CADM2: variants seen among roughly 807,000 people sequenced by gnomAD.
CADM2 encodes the protein immunoglobulin superfamily member 4D.
Under a neutral mutation model 49.8 loss-of-function variants are expected in CADM2, and 12 were observed. That is an observed-to-expected ratio of 0.24 (90% CI 0.15 to 0.39). The LOEUF is 0.39. Among genes scored for constraint, CADM2 ranks in the 10% least tolerant of loss-of-function variants. The pLI, the probability that CADM2 is intolerant of heterozygous loss-of-function variation, is 1.00. For synonymous variants in CADM2, 214 were observed against 175.4 expected (o/e 1.22, Z -1.74); for missense variants, 378 against 492.3 (o/e 0.77, Z 2.20).
At chr3:86,021,487 T>A (rs1417207714) in intron 8 of CADM2, among the ~76,000 whole-genome samples, 1 of 152,178 alleles carries the variant, frequency 6.6e-6, no homozygotes, top group Admixed American at 6.5e-5. Context: ...TTTAACAGAT[T>A]ATCTCATCAT....
At chr3:86,042,998 AT>A (rs1365739603) in intron 8 of CADM2, among the ~76,000 whole-genome samples, 1 of 152,214 alleles carries the variant, frequency 6.6e-6, no homozygotes, top group African/African-American at 2.4e-5. Context: ...ACCTCAATAG[AT>A]GCAGAAAAGG....
intron 1 of CADM2, among the ~76,000 whole-genome samples, chr3:85,704,723 G>A (rs905591473): frequency 6.6e-6 from 1 of 151,334 alleles, no homozygotes. Context: ...AAAAACTAAG[G>A]TATACCTATA....
At chr3:85,011,586 T>G (rs2033995315) in intron 1 of CADM2, among the ~76,000 whole-genome samples, 6 of 152,210 alleles carry the variant, frequency 3.9e-5, no homozygotes, top group Admixed American at 3.9e-4. Context: ...TGTGTTTGTT[T>G]TCCAATGAGT....
At chr3:85,206,763 G>A (rs1022534747) in intron 1 of CADM2, among the ~76,000 whole-genome samples, 5 of 141,856 alleles carry the variant, frequency 3.5e-5, no homozygotes, top group African/African-American at 1.2e-4. Flanking sequence ...TATCTACTTG[G>A]ATAATAAACA....
chr3:85,001,385 G>A (rs910435767), intron 1 of CADM2, among the ~76,000 whole-genome samples: 8 of 151,308 alleles, frequency 5.3e-5, no homozygotes, highest in South Asian at 4.2e-4. Flanking sequence ...CTATCCATCC[G>A]TCTATCTATC....
chr3:85,651,247 C>A (rs1484236673), intron 1 of CADM2, among the ~76,000 whole-genome samples: 1 of 152,028 alleles, frequency 6.6e-6, no homozygotes, highest in East Asian at 1.9e-4. Flanking sequence ...TGGGTGTCAG[C>A]ATTAATATTT....
Position 85,726,437 on chromosome 3 carries a change from A to G in CADM2, c.62-85A>G, listed in dbSNP as rs753693937. On this transcript the variant is annotated intron_variant, in intron 1 of 9. Coordinates refer to ENST00000383699, the MANE Select transcript of CADM2 (RefSeq NM_001167675.2). Reference sequence around the variant, plus strand: ...ATGTACTCTTTAGACTTTAATAGCAATAACATCTCTGCTTTCTTACTAGAG... The same window carrying G: ...ATGTACTCTTTAGACTTTAATAGCAGTAACATCTCTGCTTTCTTACTAGAG... The G allele has an allele frequency of 5.1e-5, 73 of 1,434,330 alleles. No homozygotes were observed. In the East Asian group the frequency reaches 1.5e-3, roughly 30 times the overall value. The allele number at this position is 1,434,330 out of a possible 1,614,324, so 88.9% of individuals were successfully genotyped here.
intron 1 of CADM2, among the ~76,000 whole-genome samples, chr3:85,339,151 C>A (rs2045172373): frequency 1.3e-5 from 2 of 151,390 alleles, no homozygotes; most frequent in Admixed American, 1.3e-4. Flanking sequence ...ATAATAAACC[C>A]ATTTTAAAAA....
At chr3:85,708,459 G>A (rs547583503) in intron 1 of CADM2, among the ~76,000 whole-genome samples, 1 of 152,158 alleles carries the variant, frequency 6.6e-6, no homozygotes, top group Admixed American at 6.6e-5. Flanking sequence ...TCTTTAGTTT[G>A]TGATTGCTAC....
intron 1 of CADM2, among the ~76,000 whole-genome samples, chr3:85,521,375 T>C (rs2061023390): frequency 6.6e-6 from 1 of 152,162 alleles, no homozygotes; most frequent in Non-Finnish European, 1.5e-5. Flanking sequence ...TAACTATGTT[T>C]TTACACTCAG....
chr3:85,927,359 T>C (rs1720004896), intron 6 of CADM2, among the ~76,000 whole-genome samples: 1 of 152,154 alleles, frequency 6.6e-6, no homozygotes, highest in African/African-American at 2.4e-5. Flanking sequence ...CCTAGGAATA[T>C]GCCAAACACT....
intron 1 of CADM2, among the ~76,000 whole-genome samples, chr3:85,643,010 G>T (rs1291253237): frequency 6.6e-6 from 1 of 152,108 alleles, no homozygotes; most frequent in Non-Finnish European, 1.5e-5. Flanking sequence ...TTTGCAAGGA[G>T]ATATTGTCTT....
chr3:85,919,878 T>A (rs1273461910), intron 6 of CADM2, among the ~76,000 whole-genome samples: 1 of 152,054 alleles, frequency 6.6e-6, no homozygotes, highest in East Asian at 1.9e-4. Flanking sequence ...AAGACAATAT[T>A]CAATATAGAT....
chr3:85,202,857 C>A (rs1345183593), intron 1 of CADM2, among the ~76,000 whole-genome samples: 2 of 152,182 alleles, frequency 1.3e-5, no homozygotes, highest in Non-Finnish European at 2.9e-5. Context: ...TTAGCTAAAT[C>A]TTCTGTATAA....
chr3:85,515,405 T>TTTTG (rs199690179), intron 1 of CADM2, among the ~76,000 whole-genome samples: 2 of 133,208 alleles, frequency 1.5e-5, no homozygotes, highest in Non-Finnish European at 1.6e-5. Context: ...TTCTCTTTTC[T>TTTTG]TTTGTTTGTT....
Position 85,667,373 on chromosome 3 carries a change from A to C in CADM2, c.62-59149A>C, listed in dbSNP as rs538349999. On this transcript the variant is annotated intron_variant, in intron 1 of 9. Transcript: ENST00000383699. The stretch of plus-strand genomic sequence containing the variant: ...GAAAATTATTACTAAGATATTTTAG[A>C]TTCTTTTTCCAGTATTAAGACTTAA... 8.5e-5 allele frequency among the ~76,000 whole-genome samples: 13 copies of C among 152,092 alleles called. No homozygotes were observed. The South Asian group carries it at 1.2e-3, about 15-fold the overall frequency.
intron 1 of CADM2, among the ~76,000 whole-genome samples, chr3:85,638,467 T>C (rs534833983): frequency 6.6e-6 from 1 of 152,240 alleles, no homozygotes; most frequent in Non-Finnish European, 1.5e-5. Context: ...GTTATGATTT[T>C]TAGAACAAGA....
intron 2 of CADM2, among the ~76,000 whole-genome samples, chr3:85,730,877 A>G (rs901080347): frequency 2.0e-5 from 3 of 152,132 alleles, no homozygotes; most frequent in Non-Finnish European, 2.9e-5. Flanking sequence ...CAGCTTTTAG[A>G]TATTATTTTC....
chr3:86,025,775 T>G (rs1311502169), intron 8 of CADM2, among the ~76,000 whole-genome samples: 3 of 152,166 alleles, frequency 2.0e-5, no homozygotes, highest in African/African-American at 7.2e-5. Context: ...TTTATTCCTC[T>G]GAAATTTATT....
Sources: allele counts gnomAD v4.1 joint callset (sites outside exome capture counted in the v4.1 genomes callset), GRCh38; gene constraint gnomAD v4.1.1; transcripts MANE v1.5; gene names NCBI Gene and HGNC (gene_info 2026-07-23, HGNC 2026-07-21).